Variants in DNAH14 observed in about 807,000 individuals in gnomAD.
DNAH14 encodes axonemal beta dynein heavy chain 14.
A neutral mutation model predicts 520.9 loss-of-function variants in DNAH14; 478 were observed. The observed-to-expected ratio is 0.92, with a 90% confidence interval of 0.85 to 0.99. The LOEUF (loss-of-function observed/expected upper bound fraction) is 0.99. Ranked by LOEUF, DNAH14 falls within the 50% of genes least tolerant of loss-of-function variation. The pLI is 0.00. For synonymous variants in DNAH14, 1,581 were observed against 1,757.2 expected, an observed-to-expected ratio of 0.90 and a Z score of 2.51; for missense variants, 4,831 against 5,234.5, an observed-to-expected ratio of 0.92 and a Z score of 2.38.
intron 41 of DNAH14, among the ~76,000 whole-genome samples, chr1:225,215,975 A>G (rs2089255892): frequency 6.6e-6 from 1 of 152,168 alleles, no homozygotes; most frequent in Non-Finnish European, 1.5e-5. Context: ...TAGTTGATGC[A>G]GTTTCTTCCT....
chr1:225,106,395 G>A (rs142371261), intron 23 of DNAH14, among the ~76,000 whole-genome samples: 8,772 of 151,736 alleles, frequency 0.058, 335 homozygotes, highest in Non-Finnish European at 0.078. Context: ...TCTTTGTGGC[G>A]TTCTCTGTAT....
chr1:224,979,066 G>A (rs959897724), intron 8 of DNAH14, among the ~76,000 whole-genome samples: 20 of 152,230 alleles, frequency 1.3e-4, no homozygotes, highest in Middle Eastern at 6.8e-3. Flanking sequence ...ACAATTATTT[G>A]GATTAGGGGT....
chr1:225,199,926 G>A (rs1387069618), intron 38 of DNAH14, among the ~76,000 whole-genome samples: 1 of 152,116 alleles, frequency 6.6e-6, no homozygotes, highest in Non-Finnish European at 1.5e-5. Flanking sequence ...CACTGTCAGT[G>A]GAGTATTGAA....
intron 36 of DNAH14, among the ~76,000 whole-genome samples, chr1:225,171,091 A>G (rs1173657411): frequency 6.6e-6 from 1 of 152,244 alleles, no homozygotes; most frequent in African/African-American, 2.4e-5. Context: ...GACACAGCAT[A>G]CCAGAGTCTC....
intron 20 of DNAH14, among the ~76,000 whole-genome samples, chr1:225,084,150 T>C (rs1264693723): frequency 6.6e-6 from 1 of 152,086 alleles, no homozygotes; most frequent in Non-Finnish European, 1.5e-5. Flanking sequence ...TGAACAAAAG[T>C]GAACAAGGTC....
chr1:225,320,761 C>T (rs2094543080), intron 61 of DNAH14, among the ~76,000 whole-genome samples: 1 of 152,140 alleles, frequency 6.6e-6, no homozygotes, highest in African/African-American at 2.4e-5. Flanking sequence ...GAGGAAAGAT[C>T]CAAGACAGAC....
chr1:225,189,837 C>T (rs1348203686), intron 37 of DNAH14, among the ~76,000 whole-genome samples: 1 of 151,772 alleles, frequency 6.6e-6, no homozygotes, highest in East Asian at 1.9e-4. Context: ...TATTCTATGT[C>T]TTGTATCTTT....
chr1:225,388,898 A>G (rs1305356777), intron 82 of DNAH14, among the ~76,000 whole-genome samples: 1 of 151,856 alleles, frequency 6.6e-6, no homozygotes, highest in African/African-American at 2.4e-5. Context: ...TGCCTCAGGG[A>G]TTATGGGCAC....
At chr1:225,314,249 G>A (rs1050232163) in intron 60 of DNAH14, among the ~76,000 whole-genome samples, 2 of 152,086 alleles carry the variant, frequency 1.3e-5, no homozygotes, top group East Asian at 1.9e-4. Context: ...TATCAGAGAC[G>A]AGGATTGCAA....
intron 81 of DNAH14, among the ~76,000 whole-genome samples, chr1:225,381,941 G>A (rs2095788968): frequency 6.6e-6 from 1 of 152,308 alleles, no homozygotes; most frequent in East Asian, 1.9e-4. Flanking sequence ...GTCTTAAACA[G>A]AAGACCAAAT....
At chr1:224,986,630 T>C (rs1347036387) in intron 8 of DNAH14, among the ~76,000 whole-genome samples, 1 of 152,190 alleles carries the variant, frequency 6.6e-6, no homozygotes, top group Non-Finnish European at 1.5e-5. Flanking sequence ...CCAACATCCT[T>C]TCATGACAAA....
Position 225,080,443 on chromosome 1 carries a change from C to G in DNAH14, c.2831C>G (p.Thr944Ser). The G allele has an allele frequency of 6.4e-7, 1 of 1,551,174 alleles. No individual in the cohort carries two copies. Among genetic ancestry groups the G allele is most frequent in the South Asian group, 1.2e-5 (1 of 83,964 alleles). Residue 944 changes from threonine to serine, a missense_variant, in exon 19 of 86, where the codon ACT becomes AGT. By Grantham distance (58) the Thr-to-Ser change is moderately conservative. Transcript: ENST00000682510. Reference protein sequence around the residue: ...QVSTAMEMIQTLSGEAASLTN... With the variant: ...QVSTAMEMIQSLSGEAASLTN... ...TCAACAGCAATGGAAATGATCCAGA[C>G]TCTCTCAGGGGAAGCTGCAAGTTTA...
At chr1:225,066,065 G>C (rs1424847284) in intron 17 of DNAH14, among the ~76,000 whole-genome samples, 2 of 151,968 alleles carry the variant, frequency 1.3e-5, no homozygotes, top group Non-Finnish European at 2.9e-5. Context: ...CAGGTGTGAG[G>C]TGATGACTCA....
At chr1:225,222,912 G>A (rs184785311) in intron 41 of DNAH14, among the ~76,000 whole-genome samples, 31 of 152,274 alleles carry the variant, frequency 2.0e-4, no homozygotes, top group African/African-American at 7.2e-4. Context: ...TCATGCACAA[G>A]GGCAATGGGT....
At chr1:225,043,620 AAG>A in intron 13 of DNAH14, 122 bp from the exon 14 acceptor site, 1 of 721,820 alleles carries the variant, frequency 1.4e-6, no homozygotes, top group South Asian at 1.7e-5. Context: ...ATTGTGTTTC[AAG>A]TGACTTCTTG....
Position 225,140,928 on chromosome 1 carries a change from G to T in DNAH14, c.4415G>T (p.Gly1472Val). ...TSNSRTKAILGALLILYVHCR... is the reference protein window; with the variant it reads ...TSNSRTKAILVALLILYVHCR... ...AACTCTCGAACAAAAGCTATACTAG[G>T]GGCATTGCTTATCCTTTATGTTCAC... is the stretch of plus-strand genomic sequence containing the variant. Residue 1472 changes from glycine to valine, a missense_variant, in exon 28 of 86, where the codon GGG becomes GTG. By Grantham distance (109) the Gly-to-Val change is moderately radical. Coordinates refer to ENST00000682510, the MANE Select transcript of DNAH14 (RefSeq NM_001367479.1). The T allele has an allele frequency of 6.4e-7, 1 of 1,551,174 alleles. No individual in the cohort carries two copies. The highest frequency in any genetic ancestry group is 1.2e-5 in the South Asian group (1 of 84,014).
At chr1:225,261,747 T>C (rs777179548) in intron 46 of DNAH14, among the ~76,000 whole-genome samples, 36 of 152,226 alleles carry the variant, frequency 2.4e-4, no homozygotes, top group Non-Finnish European at 4.3e-4. Context: ...TTGGTAGAAT[T>C]CAGCATAAAC....
chr1:225,275,623 C>T (rs2093447339), intron 52 of DNAH14, among the ~76,000 whole-genome samples: 1 of 152,180 alleles, frequency 6.6e-6, no homozygotes, highest in South Asian at 2.1e-4. Flanking sequence ...CTGGGATCCA[C>T]AGACCCTCAA....
At chr1:225,051,893 A>G in intron 17 of DNAH14, 98 bp downstream of exon 17, 1 of 856,146 alleles carries the variant, frequency 1.2e-6, no homozygotes, top group Non-Finnish European at 1.7e-6. Flanking sequence ...ATCATGTCAC[A>G]TGCAGAGTAT....
Sources: gnomAD v4.1 joint callset for allele counts (sites outside exome capture counted in the v4.1 genomes callset) on GRCh38, gnomAD v4.1.1 for gene constraint, MANE v1.5 for transcripts, NCBI Gene and HGNC (gene_info 2026-07-23, HGNC 2026-07-21) for gene names.